The following SNTG2 variants were observed in gnomAD, a reference collection of about 807,000 sequenced individuals.
The protein encoded by SNTG2 is syntrophin gamma 2.
SNTG2 carries 74 observed loss-of-function variants against 70.9 expected under a neutral mutation model. That is an observed-to-expected ratio of 1.04 (90% confidence interval 0.86 to 1.27). The LOEUF is 1.27. SNTG2 is among the 50% of genes most tolerant of loss of function. The pLI, the probability that SNTG2 is intolerant of heterozygous loss-of-function variation, is 0.00. For missense variants in SNTG2, 717 were observed against 690.7 expected (o/e 1.04, Z -0.43); for synonymous variants, 278 against 273.8 (o/e 1.02, Z -0.15).
chr2:1,032,320 G>A (rs894864381), intron 1 of SNTG2, among the ~76,000 whole-genome samples: 1 of 152,050 alleles, frequency 6.6e-6, no homozygotes, highest in African/African-American at 2.4e-5. Context: ...AAATGTAACC[G>A]AGAAATGACA....
chr2:1,031,688 G>A (rs1336595407), intron 1 of SNTG2, among the ~76,000 whole-genome samples: 11 of 151,014 alleles, frequency 7.3e-5, no homozygotes, highest in Admixed American at 6.6e-4. Flanking sequence ...GTCCCACCAC[G>A]CCCAGCTAAT....
intron 1 of SNTG2, among the ~76,000 whole-genome samples, chr2:980,137 T>C (rs5020132): frequency 0.3 from 46,241 of 151,922 alleles, 7,419 homozygotes; most frequent in Middle Eastern, 0.4. Flanking sequence ...ATTACCATCC[T>C]CCTTATAGTT....
At chr2:1,279,389 A>G (rs1679425655) in intron 14 of SNTG2, among the ~76,000 whole-genome samples, 1 of 152,238 alleles carries the variant, frequency 6.6e-6, no homozygotes, top group Admixed American at 6.5e-5. Context: ...ACTTTATTGC[A>G]GGTATGCATG....
chr2:1,037,598 C>T (rs1019234069), intron 1 of SNTG2, among the ~76,000 whole-genome samples: 4 of 151,966 alleles, frequency 2.6e-5, no homozygotes, highest in South Asian at 2.1e-4. Flanking sequence ...AATCATAGGA[C>T]GTCTGGTGCT....
chr2:1,195,354 G>T (rs1263772527), intron 8 of SNTG2, among the ~76,000 whole-genome samples: 1 of 152,172 alleles, frequency 6.6e-6, no homozygotes, highest in Non-Finnish European at 1.5e-5. Flanking sequence ...CAGTGTAAAA[G>T]CGTTCCTATT....
At chr2:972,114 G>C (rs1660763773) in intron 1 of SNTG2, among the ~76,000 whole-genome samples, 1 of 152,114 alleles carries the variant, frequency 6.6e-6, no homozygotes, top group Non-Finnish European at 1.5e-5. Context: ...TGTATATTCT[G>C]TTGTTTGGGG....
intron 1 of SNTG2, among the ~76,000 whole-genome samples, chr2:990,861 GA>G (rs1035567478): frequency 2.1e-3 from 286 of 137,402 alleles, no homozygotes; most frequent in African/African-American, 6.1e-3. Context: ...CCTTTTCTTA[GA>G]AAAAAAAAAA....
At chr2:1,326,232 G>A (rs1681752696) in intron 16 of SNTG2, among the ~76,000 whole-genome samples, 1 of 152,140 alleles carries the variant, frequency 6.6e-6, no homozygotes, top group South Asian at 2.1e-4. Context: ...GACTTTTTAT[G>A]TGATATTGTT....
chr2:1,178,924 A>G lies in SNTG2; in HGVS notation c.591+5741A>G, dbSNP rs1333361392. 2.0e-5 allele frequency among the ~76,000 whole-genome samples: 3 copies of G among 152,188 alleles called. No homozygotes were observed. In the East Asian group the frequency reaches 5.8e-4, roughly 29 times the overall value. ...TCTGGTAGAATTCAGCTTTGAATCC[A>G]TCTGGTCCTGGACTCTTTTTGGTTG... On this transcript the variant is annotated intron_variant, in intron 8 of 16. Coordinates refer to ENST00000308624, the MANE Select transcript of SNTG2 (RefSeq NM_018968.4).
intron 16 of SNTG2, among the ~76,000 whole-genome samples, chr2:1,330,911 C>T (rs770829876): frequency 2.0e-5 from 3 of 152,108 alleles, no homozygotes; most frequent in South Asian, 4.2e-4. Context: ...TCTATCAGGT[C>T]GATGTGTGCC....
chr2:1,114,198 C>A (rs1237915747), intron 4 of SNTG2, among the ~76,000 whole-genome samples: 2 of 145,386 alleles, frequency 1.4e-5, no homozygotes, highest in African/African-American at 2.6e-5. Context: ...AGGTTTAACC[C>A]TTACGGTCCT....
At chr2:1,096,983 C>T (rs142388287) in intron 2 of SNTG2, among the ~76,000 whole-genome samples, 17 of 152,262 alleles carry the variant, frequency 1.1e-4, no homozygotes, top group African/African-American at 3.9e-4. Context: ...TGTAGCAAAG[C>T]CCCCGAAATA....
intron 1 of SNTG2, among the ~76,000 whole-genome samples, chr2:991,770 CTGAGACCAGGCAGCA>C (rs1383149700): frequency 3.3e-5 from 5 of 152,166 alleles, no homozygotes; most frequent in Admixed American, 3.3e-4. Context: ...GCATGTCATC[CTGAGACCAGGCAGCA>C]GTGGTGACAG....
At chr2:1,188,382 A>G (rs1672375960) in intron 8 of SNTG2, among the ~76,000 whole-genome samples, 1 of 152,206 alleles carries the variant, frequency 6.6e-6, no homozygotes, top group Non-Finnish European at 1.5e-5. Context: ...ATATAAATAC[A>G]GCAGAAATTA....
chr2:992,025 G>T (rs1661512114), intron 1 of SNTG2, among the ~76,000 whole-genome samples: 1 of 152,124 alleles, frequency 6.6e-6, no homozygotes, highest in South Asian at 2.1e-4. Context: ...GGCATGTGAT[G>T]CAGATGAAGG....
intron 16 of SNTG2, among the ~76,000 whole-genome samples, chr2:1,328,439 G>A (rs11491290): frequency 0.016 from 2,497 of 152,260 alleles, 65 homozygotes; most frequent in African/African-American, 0.056. Context: ...CTGGGGCTCC[G>A]TGAGGAAAAA....
At chr2:1,317,051 C>G (rs374237152) in intron 16 of SNTG2, among the ~76,000 whole-genome samples, 5 of 77,636 alleles carry the variant, frequency 6.4e-5, no homozygotes, top group Admixed American at 1.5e-4. Context: ...CATTTAGCAT[C>G]AGGGCAGCAT....
chr2:1,292,387 A>G (rs1451375365), intron 14 of SNTG2, among the ~76,000 whole-genome samples: 1 of 152,048 alleles, frequency 6.6e-6, no homozygotes, highest in African/African-American at 2.4e-5. Context: ...TATTGTGTGG[A>G]ATATAATTGG....
intron 9 of SNTG2, among the ~76,000 whole-genome samples, chr2:1,213,198 A>C (rs1338017481): frequency 6.6e-6 from 1 of 152,252 alleles, no homozygotes; most frequent in East Asian, 1.9e-4. Context: ...TGTCAGTAAC[A>C]TCACATGCTT....
Sources: gnomAD v4.1 joint callset for allele counts (sites outside exome capture counted in the v4.1 genomes callset) on GRCh38, gnomAD v4.1.1 for gene constraint, MANE v1.5 for transcripts, NCBI Gene and HGNC (gene_info 2026-07-23, HGNC 2026-07-21) for gene names.